The following FHIP1A variants were observed in gnomAD, a reference collection of about 807,000 sequenced individuals.
FHIP1A encodes FHF complex subunit HOOK interacting protein 1A, also known as FHF complex subunit HOOK-interacting protein 1A.
In FHIP1A, 61 loss-of-function variants were observed where a neutral mutation model predicts 88.6. The ratio of observed to expected loss-of-function variants is 0.69; its 90% confidence interval spans 0.56 to 0.85. FHIP1A has a LOEUF of 0.85. Among genes scored for constraint, FHIP1A ranks in the 40% least tolerant of loss-of-function variants. The pLI is 0.00. For missense variants in FHIP1A, 1,154 were observed against 1,273.5 expected, an observed-to-expected ratio of 0.91 and a Z score of 1.43; for synonymous variants, 478 against 496.0, an observed-to-expected ratio of 0.96 and a Z score of 0.48.
intron 1 of FHIP1A, among the ~76,000 whole-genome samples, chr4:151,429,621 G>T (rs761118373): frequency 1.1e-4 from 17 of 152,096 alleles, no homozygotes; most frequent in Non-Finnish European, 1.5e-5. Flanking sequence ...GGCCAAGGTG[G>T]GTGGATCACT....
chr4:151,498,178 T>C (rs1730528658), intron 3 of FHIP1A, among the ~76,000 whole-genome samples: 1 of 152,358 alleles, frequency 6.6e-6, no homozygotes, highest in Non-Finnish European at 1.5e-5. Flanking sequence ...CTAAATAAAA[T>C]CTTTCTTACT....
At chr4:151,559,973 C>T (rs1220849361) in intron 3 of FHIP1A, among the ~76,000 whole-genome samples, 2 of 152,196 alleles carry the variant, frequency 1.3e-5, no homozygotes, top group East Asian at 1.9e-4. Context: ...TTTTGGGACT[C>T]GATTCTCAAT....
chr4:151,411,026 A>G (rs1732618149), intron 1 of FHIP1A, among the ~76,000 whole-genome samples: 1 of 152,234 alleles, frequency 6.6e-6, no homozygotes, highest in African/African-American at 2.4e-5. Context: ...TGGTCTAAAA[A>G]TTTAGGTCCA....
At chr4:151,519,645 A>G (rs1028347418) in intron 3 of FHIP1A, among the ~76,000 whole-genome samples, 3 of 152,052 alleles carry the variant, frequency 2.0e-5, no homozygotes, top group East Asian at 3.9e-4. Flanking sequence ...TTATATTTCT[A>G]TATCTGTTTC....
At chr4:151,507,346 A>G (rs932840733) in intron 3 of FHIP1A, among the ~76,000 whole-genome samples, 2 of 152,046 alleles carry the variant, frequency 1.3e-5, no homozygotes, top group African/African-American at 4.8e-5. Context: ...CTAGTCTCCA[A>G]CCCCTGGGCT....
At position 151,664,723 on chromosome 4, in the gene FHIP1A, TG is replaced by T. The variant is rs1269388698; in HGVS notation, c.*1970del. ...TAATTTATTATACTCTGTTTGTTTTTGCACAAGTATTTATCTTCTTGTTTGG... is the reference window on the plus strand; with the variant it reads ...TAATTTATTATACTCTGTTTGTTTTTCACAAGTATTTATCTTCTTGTTTGG... On this transcript the variant is annotated 3_prime_UTR_variant, in exon 14 of 14. Transcript: ENST00000435205. Among the ~76,000 whole-genome samples, 1 of 152,250 alleles carries T rather than the reference TG, an allele frequency of 6.6e-6. No individual in the cohort carries two copies. Among genetic ancestry groups the T allele is most frequent in the African/African-American group, 2.4e-5 (1 of 41,480 alleles).
chr4:151,491,524 A>G (rs1044738930), intron 3 of FHIP1A, among the ~76,000 whole-genome samples: 1 of 152,162 alleles, frequency 6.6e-6, no homozygotes, highest in South Asian at 2.1e-4. Context: ...ACATACACCA[A>G]AATAGAACCT....
At chr4:151,594,355 T>G (rs931376862) in intron 7 of FHIP1A, among the ~76,000 whole-genome samples, 2 of 152,188 alleles carry the variant, frequency 1.3e-5, no homozygotes, top group Non-Finnish European at 1.5e-5. Flanking sequence ...AATTTGGCTG[T>G]GAATTTGTCT....
intron 7 of FHIP1A, among the ~76,000 whole-genome samples, chr4:151,617,312 T>TAA (rs112934447): frequency 1.4e-5 from 2 of 146,454 alleles, no homozygotes; most frequent in African/African-American, 5.0e-5. Context: ...AATTCATACT[T>TAA]AAAAAAAAAA....
At chr4:151,512,393 G>T (rs1461166454) in intron 3 of FHIP1A, among the ~76,000 whole-genome samples, 1 of 152,190 alleles carries the variant, frequency 6.6e-6, no homozygotes, top group Non-Finnish European at 1.5e-5. Context: ...AAAGCAGAGC[G>T]CCGCTCCTCC....
At chr4:151,518,901 C>T (rs994806584) in intron 3 of FHIP1A, among the ~76,000 whole-genome samples, 10 of 151,936 alleles carry the variant, frequency 6.6e-5, no homozygotes, top group African/African-American at 2.2e-4. Context: ...AGGCTGGTCT[C>T]GAGGTCTCAA....
At chr4:151,504,707 T>G (rs943675073) in intron 3 of FHIP1A, among the ~76,000 whole-genome samples, 4 of 152,122 alleles carry the variant, frequency 2.6e-5, no homozygotes, top group Non-Finnish European at 5.9e-5. Flanking sequence ...CTGCAACCTC[T>G]GCCTCCTGGG....
At chr4:151,601,358 A>T (rs1294955908) in intron 7 of FHIP1A, among the ~76,000 whole-genome samples, 1 of 152,062 alleles carries the variant, frequency 6.6e-6, no homozygotes, top group Non-Finnish European at 1.5e-5. Context: ...AGCCATCAGC[A>T]TGCTTATTTA....
At chr4:151,527,012 C>T (rs536955455) in intron 3 of FHIP1A, among the ~76,000 whole-genome samples, 4 of 151,044 alleles carry the variant, frequency 2.6e-5, no homozygotes, top group South Asian at 4.2e-4. Context: ...GGATGGCGGC[C>T]GGGCAGAGAC....
At chr4:151,589,894 TTTATG>T (rs2126810289) in intron 7 of FHIP1A, among the ~76,000 whole-genome samples, 1 of 152,300 alleles carries the variant, frequency 6.6e-6, no homozygotes, top group South Asian at 2.1e-4. Flanking sequence ...GAATTGGATT[TTTATG>T]TTATTTCTAG....
At chr4:151,566,692 C>T (rs1386949683) in intron 4 of FHIP1A, among the ~76,000 whole-genome samples, 1 of 152,118 alleles carries the variant, frequency 6.6e-6, no homozygotes, top group Non-Finnish European at 1.5e-5. Context: ...TCTCTCTCTT[C>T]CCTGCTGATT....
chr4:151,493,332 T>TA (rs1730349556), intron 3 of FHIP1A, among the ~76,000 whole-genome samples: 1 of 151,902 alleles, frequency 6.6e-6, no homozygotes, highest in South Asian at 2.1e-4. Context: ...GAAACAGTAA[T>TA]AAAAAAATTG....
chr4:151,521,071 T>C (rs1161469786), intron 3 of FHIP1A, among the ~76,000 whole-genome samples: 1 of 152,232 alleles, frequency 6.6e-6, no homozygotes, highest in African/African-American at 2.4e-5. Context: ...TGAGCTTTTG[T>C]ATATGGTAAT....
At chr4:151,586,510 T>C in intron 5 of FHIP1A, 131 bp from the exon 6 acceptor site, 2 of 667,724 alleles carry the variant, frequency 3.0e-6, no homozygotes, top group Non-Finnish European at 4.8e-6. Context: ...TGACGGGCTC[T>C]TATACCTTTA....
Sources: gnomAD v4.1 joint callset for allele counts (sites outside exome capture counted in the v4.1 genomes callset) on GRCh38, gnomAD v4.1.1 for gene constraint, MANE v1.5 for transcripts, NCBI Gene and HGNC (gene_info 2026-07-23, HGNC 2026-07-21) for gene names.